Variants in CWF19L1 observed in about 807,000 individuals in gnomAD.
CWF19L1 encodes CWF19-like protein 1.
Under a neutral mutation model 69.7 loss-of-function variants are expected in CWF19L1, and 60 were observed. The ratio of observed to expected loss-of-function variants is 0.86; its 90% CI spans 0.70 to 1.07. CWF19L1 has a LOEUF of 1.07. Among genes scored for constraint, CWF19L1 ranks in the 50% least tolerant of loss-of-function variants. CWF19L1 has a pLI of 0.00. For missense variants in CWF19L1, 591 were observed against 638.9 expected (o/e 0.92, Z 0.81); for synonymous variants, 209 against 222.2 (o/e 0.94, Z 0.53).
In CWF19L1 at chr10:100,257,019, A is replaced by G. The variant is rs554734702; in HGVS notation, c.290-543T>C. Among the ~76,000 whole-genome samples the G allele has an allele frequency of 5.8e-4, 89 of 152,314 alleles. 1 individual carries two copies. In the South Asian group the frequency reaches 0.018, roughly 30 times the overall value. ...CAAGTGAAGGAAAACATTTGGAAAG[A>G]ACAAGTGTTTAGGAAAAATTTAAGA... is the stretch of plus-strand genomic sequence containing the variant. On this transcript the variant is annotated intron_variant, in intron 4 of 13. Transcript: ENST00000354105.
intron 5 of CWF19L1, among the ~76,000 whole-genome samples, chr10:100,255,961 T>A (rs1564859903): frequency 6.6e-6 from 1 of 151,222 alleles, no homozygotes; most frequent in Admixed American, 6.6e-5. Context: ...AACAAAAAAA[T>A]CAGTGAAGCC....
chr10:100,242,308 A>G (rs1278334081), intron 10 of CWF19L1, among the ~76,000 whole-genome samples: 1 of 152,220 alleles, frequency 6.6e-6, no homozygotes, highest in Non-Finnish European at 1.5e-5. Flanking sequence ...TCCACTACTA[A>G]GCAAAACTGA....
At chr10:100,245,110 C>T (rs1316674047) in intron 9 of CWF19L1, among the ~76,000 whole-genome samples, 1 of 151,568 alleles carries the variant, frequency 6.6e-6, no homozygotes, top group Non-Finnish European at 1.5e-5. Context: ...GCAACCTCTG[C>T]CTCCTGGGTT....
chr10:100,248,592 G>C, intron 7 of CWF19L1: 1 of 740,008 alleles, frequency 1.4e-6, no homozygotes, highest in Non-Finnish European at 2.5e-6. Context: ...GCATTGAAGA[G>C]GATTATGATA....
chr10:100,241,000 C>CTTTTTTTTTTTTTT lies in CWF19L1; in HGVS notation c.1044+2684_1044+2697dup, dbSNP rs56262807. ...GACAGGAGTGTGCCACTAATTAAGC[C>CTTTTTTTTTTTTTT]TTTTTTTTTTTTTTTTTTTTTTTTT... On this transcript the variant is annotated intron_variant, in intron 10 of 13. Coordinates refer to ENST00000354105, the MANE Select transcript of CWF19L1 (RefSeq NM_018294.6). 3.5e-4 allele frequency among the ~76,000 whole-genome samples: 25 copies of CTTTTTTTTTTTTTT among 70,630 alleles called. 2 individuals carry two copies. The highest frequency in any genetic ancestry group is 1.6e-3 in the African/African-American group (25 of 15,576). 46.3% of individuals were successfully genotyped at this position (70,630 alleles called of 152,430 possible). A position where few individuals can be genotyped will look rare whatever the true frequency, so the allele number is the denominator to read the frequency against.
Position 100,253,496 on chromosome 10 carries a change from C to A in CWF19L1, c.548G>T (p.Ser183Ile). Residue 183 changes from serine (S) to isoleucine (I), a missense_variant, in exon 6 of 14, where the codon AGT (serine) becomes ATT (isoleucine). This residue lies in a region of CWF19L1 where 458 missense variants were observed against 489.3 expected (regional missense o/e 0.94). Coordinates refer to ENST00000354105, the MANE Select transcript of CWF19L1 (RefSeq NM_018294.6). ...TKKCGSALVS[S>I]LATGLKPRYH... is the part of the protein sequence containing the mutation. Reference sequence around the variant, plus strand: ...TCTTGGTTTCAAGCCCGTGGCAAGACTGGAAACCAAAGCAGAACCACATTT... The same window carrying A: ...TCTTGGTTTCAAGCCCGTGGCAAGAATGGAAACCAAAGCAGAACCACATTT... The A allele has an allele frequency of 6.2e-7, 1 of 1,614,132 alleles. No individual in the cohort carries two copies. Among genetic ancestry groups the A allele is most frequent in the Non-Finnish European group, 8.5e-7 (1 of 1,179,986 alleles).
chr10:100,237,908 C>A, intron 11 of CWF19L1, 114 bp downstream of exon 11: 1 of 1,006,746 alleles, frequency 9.9e-7, no homozygotes, highest in Non-Finnish European at 1.5e-6. Context: ...TTCGGCCTCC[C>A]AAAGTGCTAG....
intron 12 of CWF19L1, 129 bp from the exon 13 acceptor site, chr10:100,235,893 C>T (rs1846419307): frequency 4.5e-6 from 3 of 659,678 alleles, no homozygotes; most frequent in Non-Finnish European, 7.7e-6. Context: ...CTATAGATCC[C>T]AAGCCACTTA....
chr10:100,234,243 C>A (rs1846361297), intron 13 of CWF19L1, among the ~76,000 whole-genome samples: 1 of 151,944 alleles, frequency 6.6e-6, no homozygotes, highest in East Asian at 1.9e-4. Context: ...AAACTTTGAG[C>A]CTATTTCAAA....
At chr10:100,255,461 A>G (rs1847178658) in intron 5 of CWF19L1, among the ~76,000 whole-genome samples, 1 of 148,240 alleles carries the variant, frequency 6.7e-6, no homozygotes, top group African/African-American at 2.5e-5. Context: ...CCTGGCCAAC[A>G]TGGTGAAATC....
At chr10:100,257,802 C>T (rs12253843) in intron 4 of CWF19L1, among the ~76,000 whole-genome samples, 7,427 of 152,034 alleles carry the variant, frequency 0.049, 604 homozygotes, top group African/African-American at 0.17. Flanking sequence ...TATACCATCC[C>T]CACCCACCAA....
At chr10:100,240,088 T>A (rs1846589441) in intron 10 of CWF19L1, among the ~76,000 whole-genome samples, 2 of 152,162 alleles carry the variant, frequency 1.3e-5, no homozygotes. Flanking sequence ...TTGTGAATAG[T>A]TTCACGCTTG....
At chr10:100,257,355 G>A (rs917511293) in intron 4 of CWF19L1, among the ~76,000 whole-genome samples, 5 of 142,778 alleles carry the variant, frequency 3.5e-5, no homozygotes, top group South Asian at 2.2e-4. Flanking sequence ...GTGCAGTGGC[G>A]CAATCTTGGC....
intron 4 of CWF19L1, among the ~76,000 whole-genome samples, chr10:100,258,226 G>A (rs1013077318): frequency 6.6e-5 from 10 of 152,134 alleles, no homozygotes; most frequent in African/African-American, 1.4e-4. Context: ...CAACAAGAGC[G>A]AAAGTCCATC....
chr10:100,250,189 G>T, intron 7 of CWF19L1, 59 bp downstream of exon 7: 1 of 1,141,656 alleles, frequency 8.8e-7, no homozygotes. Context: ...CTGGACAAGA[G>T]ATACATTTAT....
chr10:100,266,857 T>C (rs1336724333), intron 1 of CWF19L1, among the ~76,000 whole-genome samples: 1 of 147,192 alleles, frequency 6.8e-6, no homozygotes, highest in Admixed American at 6.9e-5. Context: ...TGTTTTGTTT[T>C]GTTTTGTTTT....
chr10:100,251,762 C>T (rs56889028), intron 6 of CWF19L1, among the ~76,000 whole-genome samples: 7,426 of 152,118 alleles, frequency 0.049, 600 homozygotes, highest in African/African-American at 0.17. Flanking sequence ...CTGCCTGCCT[C>T]GGCCTCCCAA....
chr10:100,253,063 C>T (rs933042310), intron 6 of CWF19L1, among the ~76,000 whole-genome samples: 2 of 152,114 alleles, frequency 1.3e-5, no homozygotes, highest in Non-Finnish European at 2.9e-5. Context: ...GGCTAGAGTG[C>T]AGTGGCTATT....
chr10:100,264,977 C>T (rs937179669), intron 1 of CWF19L1, among the ~76,000 whole-genome samples: 8 of 151,778 alleles, frequency 5.3e-5, no homozygotes, highest in Non-Finnish European at 8.8e-5. Context: ...AGAAATTAGC[C>T]AGGTGTGGTA....
Sources: gnomAD v4.1 joint callset for allele counts (sites outside exome capture counted in the v4.1 genomes callset) on GRCh38, gnomAD v4.1.1 for gene constraint, gnomAD v4.1.1 regional missense constraint, MANE v1.5 for transcripts, NCBI Gene and HGNC (gene_info 2026-07-23, HGNC 2026-07-21) for gene names.